Variants in ZNF674 observed in about 807,000 individuals in gnomAD.
ZNF674 encodes the protein zinc finger protein 674.
Under a neutral mutation model 7.0 loss-of-function variants are expected in ZNF674, and 2 were observed. The ratio of observed to expected loss-of-function variants is 0.29; its 90% CI spans 0.12 to 0.90. The LOEUF (loss-of-function observed/expected upper bound fraction) is 0.90, where lower values mean the gene tolerates loss of function less well. Ranked by LOEUF, ZNF674 falls within the 40% of genes least tolerant of loss-of-function variation. The probability of loss-of-function intolerance (pLI) is 0.57; values close to 1 mark genes in which losing one functional copy is unlikely to be tolerated. For synonymous variants in ZNF674, 103 were observed against 145.2 expected (o/e 0.71, Z 2.09); for missense variants, 297 against 415.5 (o/e 0.71, Z 2.48).
At chrX:46,542,601 C>G (rs192645177) in intron 2 of ZNF674, among the ~76,000 whole-genome samples, 16 of 111,171 alleles carry the variant, frequency 1.4e-4, no homozygotes, top group African/African-American at 5.2e-4. Context: ...GTAGTCCCAG[C>G]TACTCAAAAG....
chrX:46,543,309 TTTC>T (rs1226471050), intron 2 of ZNF674, among the ~76,000 whole-genome samples: 1 of 112,448 alleles, frequency 8.9e-6, no homozygotes. Context: ...TGATTTTAAT[TTTC>T]TTGTTTATTT....
chrX:46,499,157 C>T lies in ZNF674; in HGVS notation c.*686G>A, dbSNP rs1941367691. On this transcript the variant is annotated 3_prime_UTR_variant, in exon 6 of 6. Coordinates refer to ENST00000683375, the MANE Select transcript of ZNF674 (RefSeq NM_001190417.2). ...TAGAGCATGATTCCTCTCATTTATA[C>T]CATGGGTTTGTTTATTTATTTATTT... The T allele has an allele frequency of 9.0e-6, 1 of 110,808 alleles. No individual in the cohort carries two copies. The highest frequency in any genetic ancestry group is 1.9e-5 in the Non-Finnish European group (1 of 52,958). 9.1% of individuals were successfully genotyped at this position (110,808 alleles called of 1,213,427 possible).
intron 5 of ZNF674, among the ~76,000 whole-genome samples, chrX:46,506,501 T>C (rs757733429): frequency 9.0e-6 from 1 of 110,918 alleles, no homozygotes; most frequent in South Asian, 3.8e-4. Context: ...CATATGGGGA[T>C]ATGTCAGAGC....
chrX:46,501,510 A>G (rs186048593), intron 5 of ZNF674, among the ~76,000 whole-genome samples, 175 bp from the exon 6 acceptor site: 13 of 111,604 alleles, frequency 1.2e-4, no homozygotes, highest in Admixed American at 1.2e-3. Context: ...ATTAGGTATC[A>G]AAATGAAGTG....
intron 2 of ZNF674, among the ~76,000 whole-genome samples, chrX:46,543,680 G>A (rs1346941915): frequency 8.9e-6 from 1 of 111,982 alleles, no homozygotes; most frequent in South Asian, 3.7e-4. Flanking sequence ...CTCCTTCTTT[G>A]GCAGATTTTC....
rs13440472 is a variant in ZNF674 at position 46,537,132 on chromosome X, C to A, written c.15+4941G>T. ...CTAAAAATACAAAAATTAGCTGGGCCTGGTGGCGTGAGCCTGTAATCCCAG... is the reference window on the plus strand; with the variant it reads ...CTAAAAATACAAAAATTAGCTGGGCATGGTGGCGTGAGCCTGTAATCCCAG... On this transcript the variant is annotated intron_variant, in intron 3 of 5. Coordinates refer to ENST00000683375, the MANE Select transcript of ZNF674 (RefSeq NM_001190417.2). Among the ~76,000 whole-genome samples, 6 of 109,272 alleles carry A rather than the reference C, an allele frequency of 5.5e-5. 1 individual carries two copies. Among genetic ancestry groups the A allele is most frequent in the African/African-American group, 1.0e-4 (3 of 30,025 alleles). The allele number at this position is 109,272 out of a possible 115,157, so 94.9% of individuals were successfully genotyped here. A position where few individuals can be genotyped will look rare whatever the true frequency, so the allele number is the denominator to read the frequency against.
intron 5 of ZNF674, among the ~76,000 whole-genome samples, chrX:46,520,431 C>T (rs1475285179): frequency 3.6e-5 from 4 of 110,851 alleles, no homozygotes; most frequent in African/African-American, 9.8e-5. Flanking sequence ...AAAAGAGTGA[C>T]ATGAGGGATC....
intron 5 of ZNF674, among the ~76,000 whole-genome samples, chrX:46,505,309 C>T (rs1385537155): frequency 1.8e-5 from 2 of 112,144 alleles, no homozygotes; most frequent in African/African-American, 6.5e-5. Flanking sequence ...AAAAGAAAGG[C>T]TTTTAGGCTG....
chrX:46,540,824 G>A (rs957754509), intron 3 of ZNF674, among the ~76,000 whole-genome samples: 1 of 111,208 alleles, frequency 9.0e-6, no homozygotes, highest in Non-Finnish European at 1.9e-5. Context: ...AGCACTTTGG[G>A]AGGACGAGGT....
intron 5 of ZNF674, among the ~76,000 whole-genome samples, chrX:46,511,115 C>A (rs1049485293): frequency 9.0e-5 from 10 of 111,697 alleles, no homozygotes; most frequent in Non-Finnish European, 1.9e-4. Flanking sequence ...ATGATTATTT[C>A]CACTAAAATC....
At chrX:46,540,934 C>T (rs1383738415) in intron 3 of ZNF674, among the ~76,000 whole-genome samples, 2 of 107,550 alleles carry the variant, frequency 1.9e-5, no homozygotes, top group Non-Finnish European at 3.8e-5. Flanking sequence ...TGTGGTGGCA[C>T]GTGCACGTAA....
intron 3 of ZNF674, among the ~76,000 whole-genome samples, chrX:46,534,444 C>A (rs144019010): frequency 9.0e-6 from 1 of 111,111 alleles, no homozygotes; most frequent in African/African-American, 3.3e-5. Context: ...CGGGCTCAAG[C>A]GATCCTCCTG....
At chrX:46,508,390 A>C (rs1941581212) in intron 5 of ZNF674, among the ~76,000 whole-genome samples, 1 of 112,335 alleles carries the variant, frequency 8.9e-6, no homozygotes, top group South Asian at 3.6e-4. Context: ...AAAAAAGAAA[A>C]TCTAAGATCT....
chrX:46,517,542 G>A (rs960454843), intron 5 of ZNF674, among the ~76,000 whole-genome samples: 4 of 111,301 alleles, frequency 3.6e-5, no homozygotes, highest in African/African-American at 9.8e-5. Flanking sequence ...CATTATAATC[G>A]AAAGCCTGGA....
intron 3 of ZNF674, among the ~76,000 whole-genome samples, chrX:46,538,106 T>C (rs1194697030): frequency 2.7e-5 from 3 of 110,709 alleles, no homozygotes; most frequent in Non-Finnish European, 5.7e-5. Context: ...AAAAAAAGTT[T>C]CTTGCACTGC....
chrX:46,521,060 G>A (rs1413109964), intron 5 of ZNF674, among the ~76,000 whole-genome samples: 1 of 110,180 alleles, frequency 9.1e-6, no homozygotes, highest in South Asian at 3.9e-4. Context: ...GGTGGTGCAT[G>A]CCTCTAATCC....
At chrX:46,539,021 C>CA (rs768347347) in intron 3 of ZNF674, among the ~76,000 whole-genome samples, 14 of 110,668 alleles carry the variant, frequency 1.3e-4, no homozygotes, top group Non-Finnish European at 2.1e-4. Flanking sequence ...CCTATCTCTA[C>CA]AAAAAATACA....
At chrX:46,512,368 A>T (rs776104745) in intron 5 of ZNF674, among the ~76,000 whole-genome samples, 2 of 111,875 alleles carry the variant, frequency 1.8e-5, no homozygotes, top group African/African-American at 3.2e-5. Flanking sequence ...CATAAATTCC[A>T]GGCAGGTTTT....
intron 5 of ZNF674, among the ~76,000 whole-genome samples, chrX:46,517,295 T>A (rs1172747338): frequency 9.1e-6 from 1 of 109,687 alleles, no homozygotes; most frequent in Non-Finnish European, 1.9e-5. Flanking sequence ...AATAAAAAAA[T>A]TATAAAAATG....
Sources: allele counts gnomAD v4.1 joint callset (sites outside exome capture counted in the v4.1 genomes callset), GRCh38; gene constraint gnomAD v4.1.1; transcripts MANE v1.5; gene names NCBI Gene and HGNC (gene_info 2026-07-23, HGNC 2026-07-21).